The following TPRG1 variants were observed in gnomAD, a reference collection of about 807,000 sequenced individuals.
TPRG1 encodes tumor protein p63-regulated gene 1 protein.
TPRG1 carries 29 observed loss-of-function variants against 29.3 expected under a neutral mutation model. That is an observed-to-expected ratio of 0.99 (90% confidence interval 0.74 to 1.35). TPRG1 has a LOEUF of 1.35. Ranked by LOEUF, TPRG1 falls within the 40% of genes most tolerant of loss-of-function variation. TPRG1 has a pLI of 0.00. For missense variants in TPRG1, 327 were observed against 335.0 expected, an observed-to-expected ratio of 0.98 and a Z score of 0.19; for synonymous variants, 130 against 116.8, an observed-to-expected ratio of 1.11 and a Z score of -0.73.
intron 4 of TPRG1, among the ~76,000 whole-genome samples, chr3:189,076,484 T>C (rs943591127): frequency 2.6e-5 from 4 of 152,148 alleles, no homozygotes; most frequent in African/African-American, 9.7e-5. Context: ...ATTTTGCTGA[T>C]TGAATATCAT....
rs765989940 is a variant in TPRG1 at position 189,310,395 on chromosome 3, A to AG, written c.490dup (p.Glu164GlyfsTer4). On this transcript the variant is annotated frameshift_variant, in exon 5 of 6. Transcript: ENST00000345063. LOFTEE classifies it high-confidence loss of function. The stretch of plus-strand genomic sequence containing the variant: ...AACGCCTTTCTTGTAGGAGACAAGG[A>AG]GAAGGCCTTAGGATCTACTGGGGGA... 3 of 1,596,512 alleles carry AG rather than the reference A, an allele frequency of 1.9e-6. No homozygotes were observed. The African/African-American group carries it at 4.0e-5, about 22-fold the overall frequency.
chr3:189,187,815 G>A (rs1731152491), intron 1 of TPRG1, among the ~76,000 whole-genome samples: 1 of 152,214 alleles, frequency 6.6e-6, no homozygotes, highest in Non-Finnish European at 1.5e-5. Context: ...TTGATTGCAT[G>A]AAATGAATCA....
chr3:189,061,144 C>T (rs1246390509), intron 4 of TPRG1, among the ~76,000 whole-genome samples: 1 of 152,138 alleles, frequency 6.6e-6, no homozygotes, highest in Non-Finnish European at 1.5e-5. Context: ...TAAGGCCACA[C>T]ATTCACAACC....
intron 4 of TPRG1, among the ~76,000 whole-genome samples, chr3:189,239,477 A>G (rs1740159012): frequency 6.6e-6 from 1 of 152,182 alleles, no homozygotes; most frequent in Non-Finnish European, 1.5e-5. Flanking sequence ...TAGTATGAGG[A>G]CGTGACAAAT....
intron 4 of TPRG1, among the ~76,000 whole-genome samples, chr3:189,293,126 T>C (rs1255453824): frequency 6.6e-6 from 1 of 152,222 alleles, no homozygotes; most frequent in Non-Finnish European, 1.5e-5. Flanking sequence ...AGTTGGCAAC[T>C]TGATGCCAGA....
At chr3:189,245,218 G>T (rs1013214257) in intron 4 of TPRG1, among the ~76,000 whole-genome samples, 1 of 151,952 alleles carries the variant, frequency 6.6e-6, no homozygotes, top group African/African-American at 2.4e-5. Context: ...CACTGCGCCC[G>T]GTTCATTTCT....
chr3:189,180,341 A>T (rs1486431818), intron 1 of TPRG1, among the ~76,000 whole-genome samples: 1 of 152,198 alleles, frequency 6.6e-6, no homozygotes, highest in African/African-American at 2.4e-5. Flanking sequence ...GTATTAACTC[A>T]AAAGTCCACA....
At chr3:189,148,354 C>A (rs944809098) in intron 4 of TPRG1, among the ~76,000 whole-genome samples, 1 of 152,134 alleles carries the variant, frequency 6.6e-6, no homozygotes, top group Non-Finnish European at 1.5e-5. Flanking sequence ...ATGGAAGAAA[C>A]GGACATGCCC....
At chr3:189,218,480 C>T (rs1029807396) in intron 3 of TPRG1, among the ~76,000 whole-genome samples, 1 of 152,118 alleles carries the variant, frequency 6.6e-6, no homozygotes, top group Non-Finnish European at 1.5e-5. Flanking sequence ...TAGCTCATTC[C>T]ATGGAGATGG....
At chr3:189,124,136 G>A (rs985541937) in intron 1 of TPRG1, among the ~76,000 whole-genome samples, 3 of 152,010 alleles carry the variant, frequency 2.0e-5, no homozygotes, top group African/African-American at 7.3e-5. Flanking sequence ...TGTTCATTCA[G>A]AGCACATGAA....
intron 3 of TPRG1, among the ~76,000 whole-genome samples, chr3:189,230,162 G>C (rs1021559112): frequency 1.3e-5 from 2 of 152,150 alleles, no homozygotes; most frequent in African/African-American, 4.8e-5. Context: ...AGAAGGATGG[G>C]GGCGTGCCCA....
chr3:189,238,993 T>G, intron 4 of TPRG1, 84 bp downstream of exon 4: 1 of 1,300,230 alleles, frequency 7.7e-7, no homozygotes, highest in Non-Finnish European at 1.0e-6. Context: ...AGTTTGGCCC[T>G]GTAAACTGGG....
At chr3:189,305,842 C>A (rs190074360) in intron 4 of TPRG1, among the ~76,000 whole-genome samples, 261 of 152,302 alleles carry the variant, frequency 1.7e-3, no homozygotes, top group African/African-American at 6.0e-3. Context: ...CCTTATGGGA[C>A]CCTTCCCCTG....
chr3:189,099,543 G>A (rs1718937182), upstream of TPRG1, among the ~76,000 whole-genome samples: 1 of 152,102 alleles, frequency 6.6e-6, no homozygotes, highest in Admixed American at 6.5e-5. Context: ...TTGTGGCGTG[G>A]GAATTTGGGG....
chr3:189,258,800 C>T (rs2109028505), intron 4 of TPRG1, among the ~76,000 whole-genome samples: 1 of 152,272 alleles, frequency 6.6e-6, no homozygotes, highest in East Asian at 1.9e-4. Context: ...TTTGTTTACA[C>T]TGTGAGGGGA....
At chr3:189,010,795 T>C (rs1040863692) in intron 3 of TPRG1, among the ~76,000 whole-genome samples, 1 of 152,082 alleles carries the variant, frequency 6.6e-6, no homozygotes, top group Non-Finnish European at 1.5e-5. Context: ...ATCCCATTTG[T>C]CTATTTTTGC....
intron 3 of TPRG1, among the ~76,000 whole-genome samples, chr3:189,020,934 A>G (rs1377458181): frequency 8.2e-6 from 1 of 121,472 alleles, no homozygotes; most frequent in African/African-American, 3.1e-5. Context: ...GTGCATATAT[A>G]TTTAGGATAG....
At chr3:189,303,389 C>G (rs1226940646) in intron 4 of TPRG1, among the ~76,000 whole-genome samples, 1 of 152,110 alleles carries the variant, frequency 6.6e-6, no homozygotes, top group Non-Finnish European at 1.5e-5. Flanking sequence ...GGGTCAAACA[C>G]GTTAGGTTTG....
upstream of TPRG1, among the ~76,000 whole-genome samples, chr3:189,167,602 C>T (rs12494705): frequency 0.1 from 15,373 of 152,132 alleles, 1,263 homozygotes; most frequent in African/African-American, 0.21. Flanking sequence ...CAGAACAAAA[C>T]CAAGCACAAG....
Sources: allele counts gnomAD v4.1 joint callset (sites outside exome capture counted in the v4.1 genomes callset), GRCh38; gene constraint gnomAD v4.1.1; transcripts MANE v1.5; gene names NCBI Gene and HGNC (gene_info 2026-07-23, HGNC 2026-07-21).